Variants in APLP1 observed in about 807,000 individuals in gnomAD.
APLP1 encodes amyloid beta precursor like protein 1.
APLP1 carries 46 observed loss-of-function variants against 84.5 expected under a neutral mutation model. That is an observed-to-expected ratio of 0.54 (90% CI 0.43 to 0.70). The LOEUF (loss-of-function observed/expected upper bound fraction) is 0.70, where lower values mean the gene tolerates loss of function less well. Among genes scored for constraint, APLP1 ranks in the 30% least tolerant of loss-of-function variants. APLP1 has a pLI of 0.00. For synonymous variants in APLP1, 376 were observed against 364.0 expected (o/e 1.03, Z -0.38); for missense variants, 826 against 900.2 (o/e 0.92, Z 1.05).
chr19:35,876,492 A>G (rs1322160037), intron 10 of APLP1, 25 bp from the exon 11 acceptor site: 2 of 1,594,508 alleles, frequency 1.3e-6, no homozygotes, highest in Non-Finnish European at 1.7e-6. Context: ...TGCGCAGTTC[A>G]TCCTTCATGT....
chr19:35,876,186 C>G (rs1384029366), intron 10 of APLP1, among the ~76,000 whole-genome samples: 1 of 152,156 alleles, frequency 6.6e-6, no homozygotes, highest in Non-Finnish European at 1.5e-5. Context: ...ATTTGAATTC[C>G]CCTTTCCTGG....
intron 4 of APLP1, 67 bp downstream of exon 4, chr19:35,871,416 G>C (rs571816826): frequency 1.4e-5 from 19 of 1,401,566 alleles, no homozygotes; most frequent in Non-Finnish European, 1.9e-5. Flanking sequence ...AACACCCTCC[G>C]CCACCAGAAC....
At position 35,871,840 on chromosome 19, in the gene APLP1, C is replaced by T. The variant is rs199609647; in HGVS notation, c.672-18C>T. On this transcript the variant is annotated intron_variant, in intron 5 of 16. Coordinates refer to ENST00000221891, the MANE Select transcript of APLP1 (RefSeq NM_001024807.3). ...AGGCCTGGGTTCTTACTGCCTGGGT[C>T]CTCTCCTGCTCCCTCAGTGACCCCT... 1 of 1,613,440 alleles carries T rather than the reference C, an allele frequency of 6.2e-7. No individual in the cohort carries two copies. The highest frequency in any genetic ancestry group is 1.3e-5 in the African/African-American group (1 of 75,034).
intron 7 of APLP1, among the ~76,000 whole-genome samples, 156 bp downstream of exon 7, chr19:35,872,769 T>C (rs1402281456): frequency 1.3e-5 from 2 of 151,838 alleles, no homozygotes; most frequent in Non-Finnish European, 2.9e-5. Flanking sequence ...CAGAGATCCA[T>C]GGCCCTTCTA....
intron 7 of APLP1, 135 bp downstream of exon 7, chr19:35,872,748 C>A: frequency 2.3e-6 from 2 of 880,242 alleles, no homozygotes; most frequent in Non-Finnish European, 3.3e-6. Flanking sequence ...AACACCACCC[C>A]CTAAGATGGC....
At chr19:35,873,426 T>C (rs1182673294) in intron 7 of APLP1, among the ~76,000 whole-genome samples, 1 of 151,670 alleles carries the variant, frequency 6.6e-6, no homozygotes, top group Non-Finnish European at 1.5e-5. Flanking sequence ...TTTTTCTGTT[T>C]TCAGTAGAGA....
At chr19:35,869,873 G>A in intron 2 of APLP1, 63 bp downstream of exon 2, 1 of 1,534,552 alleles carries the variant, frequency 6.5e-7, no homozygotes, top group South Asian at 1.2e-5. Flanking sequence ...AAAAAGGCGT[G>A]GTCCAGGGTG....
rs550687827 is a variant in APLP1 at position 35,874,892 on chromosome 19, C to T, written c.1344+23C>T. On this transcript the variant is annotated intron_variant, in intron 10 of 16. Transcript: ENST00000221891. The surrounding 1 kb of genome is among the most constrained non-coding windows in gnomAD (Gnocchi z 6.4). ...CAGGTGCTCACATCCTTCCAGCTCC[C>T]AAATGCGCCGCTATTCCTCAGACGC... is the stretch of plus-strand genomic sequence containing the variant. 2.5e-6 allele frequency: 4 copies of T among 1,602,356 alleles called. No homozygotes were observed. Among genetic ancestry groups the T allele is most frequent in the Non-Finnish European group, 3.4e-6 (4 of 1,178,866 alleles).
intron 4 of APLP1, 31 bp from the exon 5 acceptor site, chr19:35,871,581 A>G (rs1365608762): frequency 2.5e-6 from 4 of 1,611,950 alleles, no homozygotes; most frequent in Admixed American, 3.3e-5. Context: ...CCATCCCACA[A>G]TCCTGGCATC....
chr19:35,879,691 G>A lies in APLP1; in HGVS notation c.*250G>A, dbSNP rs1332493843. The A allele has an allele frequency of 3.9e-6, 2 of 519,400 alleles. No individual in the cohort carries two copies. The highest frequency in any genetic ancestry group is 6.8e-6 in the Non-Finnish European group (2 of 294,028). The allele number at this position is 519,400 out of a possible 1,614,324, so 32.2% of individuals were successfully genotyped here. Reference sequence around the variant, plus strand: ...AATTTATTTTTTAAGTTTATTTATGGCTCTTTAAGGTGACCGCCACCTTGG... The same window carrying A: ...AATTTATTTTTTAAGTTTATTTATGACTCTTTAAGGTGACCGCCACCTTGG... On this transcript the variant is annotated 3_prime_UTR_variant, in exon 17 of 17. Coordinates refer to ENST00000221891, the MANE Select transcript of APLP1 (RefSeq NM_001024807.3).
Position 35,874,141 on chromosome 19 carries a change from G to C in APLP1, c.1057-363G>C, listed in dbSNP as rs74567567. Among the ~76,000 whole-genome samples, 1,405 of 152,158 alleles carry C rather than the reference G, an allele frequency of 9.2e-3. 20 individuals are homozygous for C. The highest frequency in any genetic ancestry group is 0.032 in the African/African-American group (1,314 of 41,498). On this transcript the variant is annotated intron_variant, in intron 8 of 16. Coordinates refer to ENST00000221891, the MANE Select transcript of APLP1 (RefSeq NM_001024807.3). The surrounding 1 kb of genome is among the most constrained non-coding windows in gnomAD (Gnocchi z 6.4). ...CCCACTCATGTTAGCCCCCATTCCA[G>C]CTCTTTGTCCCACCCCTATCGTGTC...
chr19:35,878,910 G>A lies in APLP1; in HGVS notation c.1671G>A (p.Arg557=). 2 of 1,614,112 alleles carry A rather than the reference G, an allele frequency of 1.2e-6. No individual in the cohort carries two copies. The highest frequency in any genetic ancestry group is 1.7e-6 in the Non-Finnish European group (2 of 1,180,002). Residue 557 remains arginine (R), a synonymous_variant, in exon 15 of 17, where the codon AGG becomes AGA. Coordinates refer to ENST00000221891, the MANE Select transcript of APLP1 (RefSeq NM_001024807.3). ...YERKVNASVP[R]GFPFHSSEIQ... ...CCCAGGTGAATGCGTCTGTTCCAAG[G>A]GGTTTCCCTTTCCACTCATCGGAGA...
chr19:35,873,736 T>G lies in APLP1; in HGVS notation c.1056+23T>G, dbSNP rs772903186. On this transcript the variant is annotated intron_variant, in intron 8 of 16. Transcript: ENST00000221891. ...GAGGTAGGACAGCCCCAGTGGGTCC[T>G]ACTCATGCCTGTCCACCACCTGGAG... The G allele has an allele frequency of 5.6e-6, 9 of 1,608,346 alleles. No homozygotes were observed. In the South Asian group the frequency reaches 1.0e-4, roughly 18 times the overall value.
chr19:35,876,791 A>G (rs970200253), intron 11 of APLP1, among the ~76,000 whole-genome samples, 175 bp downstream of exon 11: 6 of 152,234 alleles, frequency 3.9e-5, no homozygotes, highest in Non-Finnish European at 8.8e-5. Context: ...GTCTGCGCTC[A>G]GCAGAGTGGT....
intron 1 of APLP1, chr19:35,869,299 C>T (rs546448450): frequency 1.5e-5 from 8 of 526,388 alleles, no homozygotes; most frequent in African/African-American, 1.2e-4. Flanking sequence ...CATCCTGCAA[C>T]GGGAGCCTGA....
At position 35,874,120 on chromosome 19, in the gene APLP1, C is replaced by T. The variant is rs1053768517; in HGVS notation, c.1057-384C>T. Among the ~76,000 whole-genome samples the T allele has an allele frequency of 6.6e-6, 1 of 152,176 alleles. No individual in the cohort carries two copies. Among genetic ancestry groups the T allele is most frequent in the African/African-American group, 2.4e-5 (1 of 41,442 alleles). ...CCTGACCTACCCCATGGAGACCCCACTCATGTTAGCCCCCATTCCAGCTCT... is the reference window on the plus strand; with the variant it reads ...CCTGACCTACCCCATGGAGACCCCATTCATGTTAGCCCCCATTCCAGCTCT... On this transcript the variant is annotated intron_variant, in intron 8 of 16. Transcript: ENST00000221891. The surrounding 1 kb of genome is among the most constrained non-coding windows in gnomAD (Gnocchi z 6.4).
chr19:35,869,733 G>C lies in APLP1; in HGVS notation c.214G>C (p.Gly72Arg), dbSNP rs762333699. The change falls in exon 2 of 17, where the codon GGC (glycine) becomes CGC (arginine). Residue 72 changes from glycine (G) to arginine (R), a missense_variant. Transcript: ENST00000221891. ...RLTLHRDLRTGRWEPDPQRSR... is the reference protein window; with the variant it reads ...RLTLHRDLRTRRWEPDPQRSR... ...AACCCTTCACCGGGACCTGCGCACC[G>C]GCCGCTGGGAACCAGACCCACAGCG... The C allele has an allele frequency of 3.1e-6, 5 of 1,610,914 alleles. No homozygotes were observed. Among genetic ancestry groups the C allele is most frequent in the Non-Finnish European group, 4.2e-6 (5 of 1,179,338 alleles).
Position 35,868,886 on chromosome 19 carries a change from AGGT to A in APLP1, c.147+107_147+109del. The A allele has an allele frequency of 9.1e-7, 1 of 1,093,402 alleles. No individual in the cohort carries two copies. Among genetic ancestry groups the A allele is most frequent in the Non-Finnish European group, 1.2e-6 (1 of 852,700 alleles). The allele number at this position is 1,093,402 out of a possible 1,614,324, so 67.7% of individuals were successfully genotyped here. ...GGCAGAAAGCGCGGTCTTTCCAGCCAGGTGGTCAGCCCCCAGGCGCCCCCAATC... is the reference window on the plus strand; with the variant it reads ...GGCAGAAAGCGCGGTCTTTCCAGCCAGGTCAGCCCCCAGGCGCCCCCAATC... On this transcript the variant is annotated intron_variant, in intron 1 of 16. Transcript: ENST00000221891. The surrounding 1 kb of genome is among the most constrained non-coding windows in gnomAD (Gnocchi z 5.2).
At position 35,872,020 on chromosome 19, in the gene APLP1, T is replaced by C; in HGVS notation, c.834T>C (p.Leu278=). Residue 278 remains leucine, a synonymous_variant, in exon 6 of 17, where the codon CTT becomes CTC. Coordinates refer to ENST00000221891, the MANE Select transcript of APLP1 (RefSeq NM_001024807.3). ...TCCCACCCCCAAGCTCCCATACACT[T>C]GCAGTGGTCGGCAAAGGTGAGGCAG... ...ETVPPPSSHT[L]AVVGKVTPTP... The C allele has an allele frequency of 2.5e-6, 4 of 1,613,848 alleles. No individual in the cohort carries two copies. Among genetic ancestry groups the C allele is most frequent in the Non-Finnish European group, 3.4e-6 (4 of 1,179,882 alleles).
Sources: gnomAD v4.1 joint callset for allele counts (sites outside exome capture counted in the v4.1 genomes callset) on GRCh38, gnomAD v4.1.1 for gene constraint, Gnocchi (gnomAD v3.1) non-coding constraint, MANE v1.5 for transcripts, NCBI Gene and HGNC (gene_info 2026-07-23, HGNC 2026-07-21) for gene names.